Variants in SCUBE1 observed in about 807,000 individuals in gnomAD.
SCUBE1 encodes signal peptide, CUB and EGF-like domain-containing protein 1.
SCUBE1 carries 59 observed loss-of-function variants against 124.4 expected under a neutral mutation model. The ratio of observed to expected loss-of-function variants is 0.47; its 90% CI spans 0.38 to 0.59. The LOEUF (loss-of-function observed/expected upper bound fraction) is 0.59, where lower values mean the gene tolerates loss of function less well. Ranked by LOEUF, SCUBE1 falls within the 20% of genes least tolerant of loss-of-function variation. The pLI is 0.00. For synonymous variants in SCUBE1, 545 were observed against 550.9 expected, an observed-to-expected ratio of 0.99 and a Z score of 0.15; for missense variants, 1,150 against 1,371.2, an observed-to-expected ratio of 0.84 and a Z score of 2.55.
chr22:43,205,539 G>C (rs536454715), intron 21 of SCUBE1, among the ~76,000 whole-genome samples: 137 of 151,740 alleles, frequency 9.0e-4, no homozygotes, highest in Non-Finnish European at 1.4e-3. Context: ...GGGTGGACCT[G>C]TCCTGGCACA....
intron 2 of SCUBE1, among the ~76,000 whole-genome samples, chr22:43,331,550 A>G (rs1421967038): frequency 6.6e-6 from 1 of 152,234 alleles, no homozygotes; most frequent in Non-Finnish European, 1.5e-5. Flanking sequence ...TTAGTTATTT[A>G]AACAAGCCAT....
At chr22:43,321,062 G>A (rs1926530504) in intron 2 of SCUBE1, among the ~76,000 whole-genome samples, 1 of 152,192 alleles carries the variant, frequency 6.6e-6, no homozygotes, top group Non-Finnish European at 1.5e-5. Context: ...GACACGATGG[G>A]GAGAGAGGAG....
At chr22:43,288,793 G>A (rs960180420) in intron 4 of SCUBE1, among the ~76,000 whole-genome samples, 1 of 152,132 alleles carries the variant, frequency 6.6e-6, no homozygotes, top group Non-Finnish European at 1.5e-5. Flanking sequence ...ACCCAGCCTC[G>A]CCGGGCAGTG....
chr22:43,217,293 A>G (rs562013121), intron 15 of SCUBE1, among the ~76,000 whole-genome samples: 4 of 151,804 alleles, frequency 2.6e-5, no homozygotes, highest in African/African-American at 9.7e-5. Context: ...TGAGCGTCTC[A>G]GACTGAACAT....
intron 3 of SCUBE1, among the ~76,000 whole-genome samples, chr22:43,300,072 G>A (rs539764362): frequency 2.0e-5 from 3 of 152,260 alleles, no homozygotes; most frequent in South Asian, 2.1e-4. Flanking sequence ...TGTTATGAAC[G>A]GTGCTGCTGA....
intron 6 of SCUBE1, among the ~76,000 whole-genome samples, chr22:43,242,429 T>C (rs940769665): frequency 2.6e-5 from 4 of 152,138 alleles, no homozygotes; most frequent in African/African-American, 9.6e-5. Context: ...CCCCTCCAAA[T>C]ACAAGCAGCA....
In SCUBE1 at chr22:43,214,050, C is replaced by T; in HGVS notation, c.2053+40G>A. 2 of 271,286 alleles carry T rather than the reference C, an allele frequency of 7.4e-6. 1 individual carries two copies. Among genetic ancestry groups the T allele is most frequent in the Non-Finnish European group, 1.5e-5 (2 of 134,404 alleles). The allele number at this position is 271,286 out of a possible 1,614,324, so 16.8% of individuals were successfully genotyped here. ...ATCAGAGACAGGAGGAGCCCCCGCC[C>T]ACCCCCCACCCCCACCTCTCCTTCT... On this transcript the variant is annotated intron_variant, in intron 16 of 21. Transcript: ENST00000360835.
At chr22:43,256,205 G>T (rs1317132539) in intron 6 of SCUBE1, among the ~76,000 whole-genome samples, 2 of 152,234 alleles carry the variant, frequency 1.3e-5, no homozygotes, top group East Asian at 3.8e-4. Context: ...GGCAGCGCTG[G>T]TTGCCTGCTT....
chr22:43,257,204 C>A (rs1319840607), intron 6 of SCUBE1, among the ~76,000 whole-genome samples: 3 of 152,228 alleles, frequency 2.0e-5, no homozygotes, highest in African/African-American at 7.2e-5. Flanking sequence ...GGAGACAGAG[C>A]AGGGGCACAC....
rs6003159 is a variant in SCUBE1 at position 43,332,326 on chromosome 22, C to T, written c.220+6778G>A. Among the ~76,000 whole-genome samples the T allele has an allele frequency of 8.3e-3, 1,261 of 152,174 alleles. 24 individuals carry two copies. The highest frequency in any genetic ancestry group is 0.029 in the African/African-American group (1,199 of 41,522). On this transcript the variant is annotated intron_variant, in intron 2 of 21. Transcript: ENST00000360835. ...ATAACAATAATAGCTCCCAACACAG[C>T]GAGGCCCCAACTCTAAAATAAATCA...
intron 3 of SCUBE1, among the ~76,000 whole-genome samples, chr22:43,307,700 C>T (rs1056821587): frequency 2.0e-5 from 3 of 152,194 alleles, no homozygotes; most frequent in Admixed American, 6.5e-5. Context: ...CCAGTCTTGT[C>T]TCCCGTTCAG....
At chr22:43,268,010 GACTCT>G (rs1924141369) in intron 4 of SCUBE1, among the ~76,000 whole-genome samples, 2 of 152,214 alleles carry the variant, frequency 1.3e-5, no homozygotes, top group African/African-American at 4.8e-5. Flanking sequence ...GTGGGTCTGT[GACTCT>G]ACCCCCTCTG....
chr22:43,307,243 G>A (rs1926003778), intron 3 of SCUBE1, among the ~76,000 whole-genome samples: 1 of 152,228 alleles, frequency 6.6e-6, no homozygotes, highest in South Asian at 2.1e-4. Flanking sequence ...GTACAGCTCA[G>A]AGAGGTCTTC....
chr22:43,225,669 TG>T (rs904920494), intron 10 of SCUBE1, among the ~76,000 whole-genome samples: 2 of 151,628 alleles, frequency 1.3e-5, no homozygotes, highest in Non-Finnish European at 2.9e-5. Flanking sequence ...CTCAAAGTGC[TG>T]GGATTACAGG....
At chr22:43,304,684 C>A (rs1925901082) in intron 3 of SCUBE1, among the ~76,000 whole-genome samples, 1 of 152,034 alleles carries the variant, frequency 6.6e-6, no homozygotes, top group Non-Finnish European at 1.5e-5. Context: ...TGCCTTTTTA[C>A]CACCACTACC....
intron 19 of SCUBE1, among the ~76,000 whole-genome samples, chr22:43,209,013 G>A (rs565895195): frequency 6.6e-6 from 1 of 152,184 alleles, no homozygotes; most frequent in Admixed American, 6.5e-5. Flanking sequence ...GCTGGGGGCA[G>A]GGGAACGGGT....
Position 43,229,076 on chromosome 22 carries a change from G to A in SCUBE1, c.1080C>T (p.Cys360=), listed in dbSNP as rs372522146. Residue 360 remains cysteine, a synonymous_variant, in exon 9 of 22, where the codon TGC becomes TGT. Coordinates refer to ENST00000360835, the MANE Select transcript of SCUBE1 (RefSeq NM_173050.5). ...RGYILYGTTH[C]GDVDECSMSN... Reference sequence around the variant, plus strand: ...CCTGGCGGGCAGGCTGCAGACCTCCGCAGTGGGTTGTCCCGTAGAGGATGT... The same window carrying A: ...CCTGGCGGGCAGGCTGCAGACCTCCACAGTGGGTTGTCCCGTAGAGGATGT... 39 of 1,610,332 alleles carry A rather than the reference G, an allele frequency of 2.4e-5. No homozygotes were observed. Among genetic ancestry groups the A allele is most frequent in the African/African-American group, 2.7e-5 (2 of 74,864 alleles).
intron 3 of SCUBE1, among the ~76,000 whole-genome samples, chr22:43,300,896 AGAGCT>A (rs1925746324): frequency 6.6e-6 from 1 of 152,136 alleles, no homozygotes; most frequent in Non-Finnish European, 1.5e-5. Flanking sequence ...TTAGACATCA[AGAGCT>A]GACCTGGTGC....
chr22:43,303,809 G>A (rs892105301), intron 3 of SCUBE1, among the ~76,000 whole-genome samples: 2 of 152,228 alleles, frequency 1.3e-5, no homozygotes, highest in Admixed American at 6.5e-5. Context: ...CTACAGTTTA[G>A]ACAGAACCAC....
Sources: allele counts gnomAD v4.1 joint callset (sites outside exome capture counted in the v4.1 genomes callset), GRCh38; gene constraint gnomAD v4.1.1; transcripts MANE v1.5; gene names NCBI Gene and HGNC (gene_info 2026-07-23, HGNC 2026-07-21).